The following UPF3A variants were observed in gnomAD, a reference collection of about 807,000 sequenced individuals.
UPF3A encodes the protein UPF3A regulator of nonsense mediated mRNA decay.
Under a neutral mutation model 53.5 loss-of-function variants are expected in UPF3A, and 42 were observed. That is an observed-to-expected ratio of 0.78 (90% confidence interval 0.61 to 1.01). The LOEUF is 1.01. UPF3A is among the 50% of genes least tolerant of loss of function. The pLI, the probability that UPF3A is intolerant of heterozygous loss-of-function variation, is 0.00. For missense variants in UPF3A, 575 were observed against 598.0 expected, an observed-to-expected ratio of 0.96 and a Z score of 0.40; for synonymous variants, 237 against 225.3, an observed-to-expected ratio of 1.05 and a Z score of -0.47.
chr13:114,299,703 C>A (rs1307766602), intron 8 of UPF3A, among the ~76,000 whole-genome samples: 2 of 152,212 alleles, frequency 1.3e-5, no homozygotes, highest in African/African-American at 4.8e-5. Context: ...GGATCCTGTC[C>A]CTCTTGCTCC....
chr13:114,283,612 C>G (rs548199101), intron 3 of UPF3A: 105 of 322,668 alleles, frequency 3.3e-4, no homozygotes, highest in Non-Finnish European at 4.5e-4. Context: ...TGACTTCTAT[C>G]TTCCTAAACA....
At chr13:114,286,832 G>A (rs1223318290) in intron 5 of UPF3A, 3 of 571,854 alleles carry the variant, frequency 5.2e-6, no homozygotes, top group Non-Finnish European at 9.4e-6. Flanking sequence ...TTGATGGAGA[G>A]CACGTGATTT....
intron 3 of UPF3A, among the ~76,000 whole-genome samples, chr13:114,284,829 G>GT (rs1359677957): frequency 6.6e-6 from 1 of 152,134 alleles, no homozygotes; most frequent in South Asian, 2.1e-4. Context: ...TCGTTGTTTT[G>GT]TTTTTTAGAG....
At chr13:114,281,963 C>T in intron 1 of UPF3A, 58 bp from the exon 2 acceptor site, 3 of 1,494,218 alleles carry the variant, frequency 2.0e-6, no homozygotes, top group Non-Finnish European at 2.7e-6. Context: ...TACGCGGTGC[C>T]TTTTGAGCTC....
At chr13:114,286,178 G>T (rs2084669188) in intron 3 of UPF3A, 124 bp from the exon 4 acceptor site, 24 of 1,198,838 alleles carry the variant, frequency 2.0e-5, no homozygotes, top group Non-Finnish European at 2.6e-5. Flanking sequence ...ATGAATTATA[G>T]TTTAAATAGT....
intron 5 of UPF3A, among the ~76,000 whole-genome samples, chr13:114,291,031 G>A (rs1427520398): frequency 6.6e-6 from 1 of 151,976 alleles, no homozygotes; most frequent in African/African-American, 2.4e-5. Flanking sequence ...CACCACGCCC[G>A]GCCCATGTGG....
At chr13:114,302,836 T>G (rs2086712505) in intron 9 of UPF3A, among the ~76,000 whole-genome samples, 1 of 152,184 alleles carries the variant, frequency 6.6e-6, no homozygotes, top group African/African-American at 2.4e-5. Context: ...GCATGGTGGC[T>G]CACACCTATA....
chr13:114,294,419 G>A (rs991107252), intron 7 of UPF3A, among the ~76,000 whole-genome samples: 8 of 151,736 alleles, frequency 5.3e-5, no homozygotes, highest in Non-Finnish European at 8.8e-5. Flanking sequence ...CATCATACCT[G>A]AATAGCTAAT....
chr13:114,295,008 A>G (rs2085724489), intron 7 of UPF3A, among the ~76,000 whole-genome samples: 1 of 150,984 alleles, frequency 6.6e-6, no homozygotes, highest in Admixed American at 6.6e-5. Context: ...GCTACTTGGA[A>G]GGCTGAGGCA....
chr13:114,295,224 C>T (rs1355010775), intron 7 of UPF3A, among the ~76,000 whole-genome samples: 1 of 152,160 alleles, frequency 6.6e-6, no homozygotes, highest in Non-Finnish European at 1.5e-5. Context: ...GGTGAACACA[C>T]ACAGGCGAGG....
chr13:114,290,646 G>A (rs1172435955), intron 5 of UPF3A, among the ~76,000 whole-genome samples: 1 of 152,128 alleles, frequency 6.6e-6, no homozygotes, highest in Non-Finnish European at 1.5e-5. Flanking sequence ...GATAGAGTCT[G>A]TAGAAATGTT....
intron 5 of UPF3A, chr13:114,287,387 C>G (rs1250001890): frequency 6.6e-6 from 1 of 152,234 alleles, no homozygotes; most frequent in Admixed American, 6.5e-5. Flanking sequence ...GTCAGGACTT[C>G]GAGATCAGCC....
chr13:114,291,435 A>T, intron 5 of UPF3A, 54 bp from the exon 6 acceptor site: 1 of 1,452,412 alleles, frequency 6.9e-7, no homozygotes, highest in East Asian at 2.3e-5. Flanking sequence ...ACAAGTATTT[A>T]AAATACATCT....
rs2085984716 is a variant in UPF3A at position 114,296,208 on chromosome 13, C to T, written c.847-2632C>T. ...GACCAGCCTGGCTAATATGGTGAAACCCCGTCTCTACTAAAAATACAAAAA... is the reference window on the plus strand; with the variant it reads ...GACCAGCCTGGCTAATATGGTGAAATCCCGTCTCTACTAAAAATACAAAAA... On this transcript the variant is annotated intron_variant, in intron 7 of 9. Coordinates refer to ENST00000375299, the MANE Select transcript of UPF3A (RefSeq NM_023011.4). Among the ~76,000 whole-genome samples, 5 of 152,138 alleles carry T rather than the reference C, an allele frequency of 3.3e-5. No homozygotes were observed. In the South Asian group the frequency reaches 1.0e-3, roughly 32 times the overall value.
At position 114,281,616 on chromosome 13, in the gene UPF3A, C is replaced by G. The variant is rs1281608158; in HGVS notation, c.-24C>G. On this transcript the variant is annotated 5_prime_UTR_variant, in exon 1 of 10. Transcript: ENST00000375299. ...GCGAGGTTTCGTCGGGGGCTGGCGG[C>G]TGCGGCTCGGCGGAGAGTGCGGCAT... is the stretch of plus-strand genomic sequence containing the variant. The G allele has an allele frequency of 2.1e-6, 3 of 1,407,448 alleles. No individual in the cohort carries two copies. Among genetic ancestry groups the G allele is most frequent in the African/African-American group, 1.5e-5 (1 of 66,194 alleles). 87.2% of individuals were successfully genotyped at this position (1,407,448 alleles called of 1,614,324 possible).
rs2086903846 is a variant in UPF3A, at chr13:114,304,902, G to T, written c.1416G>T (p.Arg472Ser). 1 of 1,613,340 alleles carries T rather than the reference G, an allele frequency of 6.2e-7. No individual in the cohort carries two copies. Among genetic ancestry groups the T allele is most frequent in the Non-Finnish European group, 8.5e-7 (1 of 1,179,636 alleles). The change falls in exon 10 of 10, where the codon AGG becomes AGT. Residue 472 changes from arginine to serine, a missense_variant. By Grantham distance (110) the Arg-to-Ser change is moderately radical (BLOSUM62 -1). This residue lies in a region of UPF3A where 323 missense variants were observed against 415.2 expected (regional missense o/e 0.78). Coordinates refer to ENST00000375299, the MANE Select transcript of UPF3A (RefSeq NM_023011.4). The stretch of plus-strand genomic sequence containing the variant: ...GTTCGGGGACTGGTCCTGAGAAGAG[G>T]GAAGAGGCAGAGTGAGTCACTGCAC... ...AEGSGTGPEKREEAE is the reference protein window; with the variant it reads ...AEGSGTGPEKSEEAE
chr13:114,288,239 C>T (rs914078081), intron 5 of UPF3A, among the ~76,000 whole-genome samples: 3 of 152,216 alleles, frequency 2.0e-5, no homozygotes, highest in Admixed American at 2.0e-4. Flanking sequence ...ATCGGGATGA[C>T]AGGTTGGAAG....
chr13:114,282,967 T>A (rs753053444), intron 3 of UPF3A, 24 bp downstream of exon 3: 1 of 1,471,632 alleles, frequency 6.8e-7, no homozygotes, highest in Non-Finnish European at 9.4e-7. Context: ...TTTTTAAAAA[T>A]CTATTATAAT....
chr13:114,298,457 T>G (rs1016017541), intron 7 of UPF3A, among the ~76,000 whole-genome samples: 6 of 151,990 alleles, frequency 3.9e-5, no homozygotes, highest in Admixed American at 3.9e-4. Flanking sequence ...GGAGAATCAC[T>G]TGAACCTTGG....
Sources: gnomAD v4.1 joint callset for allele counts (sites outside exome capture counted in the v4.1 genomes callset) on GRCh38, gnomAD v4.1.1 for gene constraint, gnomAD v4.1.1 regional missense constraint, MANE v1.5 for transcripts, NCBI Gene and HGNC (gene_info 2026-07-23, HGNC 2026-07-21) for gene names.